Variants in BTNL8 observed in about 807,000 individuals in gnomAD.
The protein encoded by BTNL8 is butyrophilin like 8.
A neutral mutation model predicts 36.1 loss-of-function variants in BTNL8; 22 were observed. The ratio of observed to expected loss-of-function variants is 0.61; its 90% CI spans 0.44 to 0.87. The LOEUF is 0.87. Ranked by LOEUF, BTNL8 falls within the 40% of genes least tolerant of loss-of-function variation. The pLI is 0.00. For synonymous variants in BTNL8, 203 were observed against 235.6 expected (o/e 0.86, Z 1.27); for missense variants, 526 against 616.9 (o/e 0.85, Z 1.56).
intron 3 of BTNL8, among the ~76,000 whole-genome samples, chr5:180,945,195 G>A (rs1759177326): frequency 6.6e-6 from 1 of 152,192 alleles, no homozygotes; most frequent in Admixed American, 6.5e-5. Context: ...TGAAAAAGGT[G>A]CCAAGAACAC....
intron 3 of BTNL8, among the ~76,000 whole-genome samples, chr5:180,914,218 G>T (rs1757525132): frequency 6.6e-6 from 1 of 152,150 alleles, no homozygotes; most frequent in South Asian, 2.1e-4. Flanking sequence ...CTTATAAAAG[G>T]ATTTAAGGGG....
intron 1 of BTNL8, among the ~76,000 whole-genome samples, chr5:180,901,771 C>A (rs1367869550): frequency 6.6e-6 from 1 of 152,048 alleles, no homozygotes; most frequent in Non-Finnish European, 1.5e-5. Flanking sequence ...GACATGTTGA[C>A]AAAGCACTAG....
At chr5:180,908,502 G>C (rs1757220465) in intron 1 of BTNL8, 84 bp from the exon 2 acceptor site, 2 of 1,326,838 alleles carry the variant, frequency 1.5e-6, no homozygotes, top group African/African-American at 1.5e-5. Context: ...CTGTAGACCG[G>C]AGCTGTTCCT....
chr5:180,920,996 C>T (rs1561935750), intron 3 of BTNL8, among the ~76,000 whole-genome samples: 1 of 151,906 alleles, frequency 6.6e-6, no homozygotes, highest in African/African-American at 2.4e-5. Flanking sequence ...CTATGGAAAA[C>T]AGTATGCAGA....
chr5:180,930,129 G>T (rs1758300543), intron 3 of BTNL8, among the ~76,000 whole-genome samples: 1 of 152,326 alleles, frequency 6.6e-6, no homozygotes, highest in Non-Finnish European at 1.5e-5. Context: ...GATCAAGTTG[G>T]CTTCATCCTT....
Position 180,911,371 on chromosome 5 carries a change from G to C in BTNL8, c.430G>C (p.Gly144Arg). The C allele has an allele frequency of 1.2e-6, 2 of 1,614,144 alleles. No homozygotes were observed. Among genetic ancestry groups the C allele is most frequent in the East Asian group, 4.5e-5 (2 of 44,882 alleles). ...LGSVPLISIT[G>R]YVDRDIQLLC... Reference sequence around the variant, plus strand: ...CTCAGTTCCTCTCATTTCCATCACGGGATATGTTGATAGAGACATCCAGCT... The same window carrying C: ...CTCAGTTCCTCTCATTTCCATCACGCGATATGTTGATAGAGACATCCAGCT... Residue 144 changes from glycine to arginine, a missense_variant, in exon 3 of 8, where the codon GGA becomes CGA. By Grantham distance (125) the Gly-to-Arg change is moderately radical. Transcript: ENST00000340184.
At chr5:180,902,307 T>A in intron 1 of BTNL8, 1 of 1,521,162 alleles carries the variant, frequency 6.6e-7, no homozygotes, top group Middle Eastern at 1.7e-4. Context: ...GGTTTTCTCA[T>A]CTTAAAAATA....
rs746524916 is a variant in BTNL8, at chr5:180,911,567, G to T, written c.626G>T (p.Arg209Leu). Residue 209 changes from arginine (R) to leucine (L), a missense_variant, in exon 3 of 8, where the codon CGG becomes CTG. By Grantham distance (102) the Arg-to-Leu change is moderately radical (BLOSUM62 -2). Around this residue, in one of 2 missense-constraint regions of BTNL8, gnomAD observed 350 missense variants for 324.6 expected, o/e 1.08. Coordinates refer to ENST00000340184, the MANE Select transcript of BTNL8 (RefSeq NM_001040462.3). Reference protein sequence around the residue: ...ENAGSISCSMRHAHLSREVES... With the variant: ...ENAGSISCSMLHAHLSREVES... ...GCCGGGAGCATATCCTGTTCCATGCGGCATGCTCATCTGAGCCGAGAGGTG... is the reference window on the plus strand; with the variant it reads ...GCCGGGAGCATATCCTGTTCCATGCTGCATGCTCATCTGAGCCGAGAGGTG... The T allele has an allele frequency of 6.2e-7, 1 of 1,613,986 alleles. No individual in the cohort carries two copies. The highest frequency in any genetic ancestry group is 8.5e-7 in the Non-Finnish European group (1 of 1,179,972).
At chr5:180,908,517 G>C (rs1009144228) in intron 1 of BTNL8, 69 bp from the exon 2 acceptor site, 15 of 1,475,942 alleles carry the variant, frequency 1.0e-5, no homozygotes, top group Middle Eastern at 2.0e-4. Context: ...GTTCCTATTC[G>C]GCCATCTTGG....
chr5:180,939,700 C>T (rs1758832081), intron 3 of BTNL8, among the ~76,000 whole-genome samples: 1 of 152,278 alleles, frequency 6.6e-6, no homozygotes, highest in South Asian at 2.1e-4. Flanking sequence ...AGAAAATCAA[C>T]AAAGTAACAT....
chr5:180,933,104 A>C (rs955309309), intron 3 of BTNL8, among the ~76,000 whole-genome samples: 1 of 152,182 alleles, frequency 6.6e-6, no homozygotes, highest in Admixed American at 6.5e-5. Flanking sequence ...GTAATAATAG[A>C]GGGTTCAATT....
chr5:180,905,031 C>T (rs982721542), intron 1 of BTNL8, among the ~76,000 whole-genome samples: 6 of 150,462 alleles, frequency 4.0e-5, no homozygotes, highest in African/African-American at 1.5e-4. Context: ...CAGAATGATG[C>T]TAGCCTCATA....
At chr5:180,917,755 G>A (rs1230215834) in intron 3 of BTNL8, among the ~76,000 whole-genome samples, 6 of 152,054 alleles carry the variant, frequency 3.9e-5, no homozygotes, top group Admixed American at 2.0e-4. Flanking sequence ...TTAGCTGGGC[G>A]TGGTGGCGGG....
intron 7 of BTNL8, 140 bp from the exon 8 acceptor site, chr5:180,949,764 C>A: frequency 9.4e-7 from 1 of 1,062,978 alleles, no homozygotes; most frequent in Non-Finnish European, 1.3e-6. Flanking sequence ...ACCTGAAAGG[C>A]AGTGTCTGCG....
intron 3 of BTNL8, among the ~76,000 whole-genome samples, chr5:180,928,782 C>T (rs1758227168): frequency 6.6e-6 from 1 of 152,164 alleles, no homozygotes; most frequent in Non-Finnish European, 1.5e-5. Flanking sequence ...AATATATATG[C>T]ACCCAATATA....
In BTNL8 at chr5:180,950,661, T is replaced by G. The variant is rs1052159023; in HGVS notation, c.*117T>G. 1.8e-5 allele frequency: 20 copies of G among 1,086,848 alleles called. 2 individuals are homozygous for G. The African/African-American group carries it at 2.4e-4, about 13-fold the overall frequency. The allele number at this position is 1,086,848 out of a possible 1,614,324, so 67.3% of individuals were successfully genotyped here. ...ATGAAGGGGGACTGGCCTGTCCACA[T>G]GGGAGTCAGGTGTCATGGCTGCCCT... On this transcript the variant is annotated 3_prime_UTR_variant, in exon 8 of 8. Transcript: ENST00000340184.
chr5:180,948,105 C>T lies in BTNL8; in HGVS notation c.788-250C>T, dbSNP rs932191030. 1.5e-5 allele frequency: 10 copies of T among 655,046 alleles called. No individual in the cohort carries two copies. In the African/African-American group the frequency reaches 1.8e-4, roughly 12 times the overall value. 40.6% of individuals were successfully genotyped at this position (655,046 alleles called of 1,614,324 possible). Reference sequence around the variant, plus strand: ...GCCTCCCCTCCCAGCTGCCTTCTCCCATCTCCATCCCCACCTCCACAGCAT... The same window carrying T: ...GCCTCCCCTCCCAGCTGCCTTCTCCTATCTCCATCCCCACCTCCACAGCAT... On this transcript the variant is annotated intron_variant, in intron 4 of 7. Coordinates refer to ENST00000340184, the MANE Select transcript of BTNL8 (RefSeq NM_001040462.3).
At chr5:180,932,012 T>C (rs1374931348) in intron 3 of BTNL8, among the ~76,000 whole-genome samples, 1 of 152,258 alleles carries the variant, frequency 6.6e-6, no homozygotes, top group African/African-American at 2.4e-5. Context: ...TGCACACATA[T>C]GTTTATTGCA....
chr5:180,924,070 G>C (rs1757989948), intron 3 of BTNL8, among the ~76,000 whole-genome samples: 1 of 152,214 alleles, frequency 6.6e-6, no homozygotes, highest in Non-Finnish European at 1.5e-5. Context: ...TGGGAGGCAA[G>C]TGCACACTGG....
Sources: allele counts gnomAD v4.1 joint callset (sites outside exome capture counted in the v4.1 genomes callset), GRCh38; gene constraint gnomAD v4.1.1; regional missense constraint gnomAD v4.1.1; transcripts MANE v1.5; gene names NCBI Gene and HGNC (gene_info 2026-07-23, HGNC 2026-07-21).